STK10: variants seen among roughly 807,000 people sequenced by gnomAD.
STK10 encodes the protein serine/threonine kinase 10.
A neutral mutation model predicts 113.8 loss-of-function variants in STK10; 78 were observed. That is an observed-to-expected ratio of 0.69 (90% CI 0.57 to 0.83). The LOEUF is 0.83. Ranked by LOEUF, STK10 falls within the 40% of genes least tolerant of loss-of-function variation. The pLI is 0.00. For synonymous variants in STK10, 465 were observed against 494.7 expected, an observed-to-expected ratio of 0.94 and a Z score of 0.80; for missense variants, 1,109 against 1,280.1, an observed-to-expected ratio of 0.87 and a Z score of 2.04.
chr5:172,171,727 A>AACTG (rs2113833952), intron 1 of STK10, among the ~76,000 whole-genome samples: 1 of 151,290 alleles, frequency 6.6e-6, no homozygotes, highest in African/African-American at 2.4e-5. Context: ...AAATAAAATA[A>AACTG]AATGAATAGA....
chr5:172,149,764 G>A (rs1476744027), intron 2 of STK10, among the ~76,000 whole-genome samples: 1 of 152,176 alleles, frequency 6.6e-6, no homozygotes. Flanking sequence ...GACCTCCTTG[G>A]GCCGGGCGCG....
intron 1 of STK10, among the ~76,000 whole-genome samples, chr5:172,173,680 T>C (rs58168963): frequency 0.2 from 30,597 of 152,000 alleles, 3,163 homozygotes; most frequent in Middle Eastern, 0.25. Flanking sequence ...CAGAACGCTT[T>C]ACATCCCTCC....
At chr5:172,150,481 CA>C (rs61247858) in intron 2 of STK10, among the ~76,000 whole-genome samples, 336 of 106,686 alleles carry the variant, frequency 3.1e-3, no homozygotes, top group Admixed American at 3.2e-3. Flanking sequence ...AACAACACCT[CA>C]AAAAAAAAAA....
intron 3 of STK10, among the ~76,000 whole-genome samples, chr5:172,118,890 A>AAAAAAAAAAG (rs1769444155): frequency 6.6e-6 from 1 of 151,340 alleles, no homozygotes; most frequent in African/African-American, 2.4e-5. Context: ...AAAAAAAAAA[A>AAAAAAAAAAG]AAAAAAAGTG....
At position 172,064,314 on chromosome 5, in the gene STK10, C is replaced by G. The variant is rs530542888; in HGVS notation, c.2082+406G>C. ...CCAGAAAGGAAGGAAAATGGCACCC[C>G]CTCAGAGCATAACAGGACCAGGTCT... is the stretch of plus-strand genomic sequence containing the variant. On this transcript the variant is annotated intron_variant, in intron 13 of 18. Coordinates refer to ENST00000176763, the MANE Select transcript of STK10 (RefSeq NM_005990.4). 15 of 185,544 alleles carry G rather than the reference C, an allele frequency of 8.1e-5. No homozygotes were observed. In the South Asian group the frequency reaches 1.5e-3, roughly 18 times the overall value. 11.5% of individuals were successfully genotyped at this position (185,544 alleles called of 1,614,324 possible). A position where few individuals can be genotyped will look rare whatever the true frequency, so the allele number is the denominator to read the frequency against.
chr5:172,106,418 A>AAAAAAAAAAAAAAAAAAAAAAAAAAC (rs1769110367), intron 6 of STK10, among the ~76,000 whole-genome samples: 1 of 141,366 alleles, frequency 7.1e-6, no homozygotes, highest in Non-Finnish European at 1.5e-5. Flanking sequence ...AAAAAAAAAA[A>AAAAAAAAAAAAAAAAAAAAAAAAAAC]GGAACACAAA....
At chr5:172,144,524 G>C (rs1441355180) in intron 2 of STK10, among the ~76,000 whole-genome samples, 1 of 152,110 alleles carries the variant, frequency 6.6e-6, no homozygotes, top group Non-Finnish European at 1.5e-5. Context: ...AGCTGCTGTG[G>C]GTGGAGTCCC....
chr5:172,188,177 C>G lies in STK10; in HGVS notation c.-135G>C. 7.1e-7 allele frequency: 1 copy of G among 1,415,652 alleles called. No individual in the cohort carries two copies. Among genetic ancestry groups the G allele is most frequent in the African/African-American group, 1.5e-5 (1 of 68,100 alleles). 87.7% of individuals were successfully genotyped at this position (1,415,652 alleles called of 1,614,324 possible). On this transcript the variant is annotated 5_prime_UTR_variant, in exon 1 of 19. Coordinates refer to ENST00000176763, the MANE Select transcript of STK10 (RefSeq NM_005990.4). This position sits in a 1 kb window ranked among gnomAD's most constrained non-coding sequence, Gnocchi z 5.6. Reference sequence around the variant, plus strand: ...TTCTCCCCAGACCCGCCTTTCCCCGCAGCCCGACCTCGGTCAAGTGTGCCC... The same window carrying G: ...TTCTCCCCAGACCCGCCTTTCCCCGGAGCCCGACCTCGGTCAAGTGTGCCC...
chr5:172,170,657 C>T (rs546278443), intron 1 of STK10, among the ~76,000 whole-genome samples: 6 of 152,328 alleles, frequency 3.9e-5, no homozygotes, highest in South Asian at 4.1e-4. Flanking sequence ...GAAACCCAAA[C>T]GGGATTGGCC....
rs761656284 is a variant in STK10, at chr5:172,055,624, C to A, written c.2490G>T (p.Gly830=). Reference sequence around the variant, plus strand: ...TCTCACGCTGCTCAGCTGCGCTGCCCCCGCCGTTGATGTGGAGGCTCTTCT... The same window carrying A: ...TCTCACGCTGCTCAGCTGCGCTGCCACCGCCGTTGATGTGGAGGCTCTTCT... ...MYKKSLHING[G]GSAAEQREKI... The change falls in exon 16 of 19, where the codon GGG becomes GGT. Residue 830 remains glycine, a synonymous_variant. Coordinates refer to ENST00000176763, the MANE Select transcript of STK10 (RefSeq NM_005990.4). 4.5e-6 allele frequency: 7 copies of A among 1,556,640 alleles called. No homozygotes were observed. The East Asian group carries it at 1.7e-4, about 37-fold the overall frequency.
chr5:172,086,404 A>G (rs1441454016), intron 10 of STK10, among the ~76,000 whole-genome samples: 1 of 152,204 alleles, frequency 6.6e-6, no homozygotes, highest in African/African-American at 2.4e-5. Flanking sequence ...GGTTTAGAGA[A>G]GAACTGACAA....
chr5:172,164,165 T>A (rs535381628), intron 1 of STK10, among the ~76,000 whole-genome samples: 2 of 134,228 alleles, frequency 1.5e-5, no homozygotes, highest in Non-Finnish European at 3.0e-5. Flanking sequence ...TGAGCCAAGA[T>A]AGCGCCATTG....
At chr5:172,144,469 A>C (rs896433671) in intron 2 of STK10, among the ~76,000 whole-genome samples, 4 of 152,186 alleles carry the variant, frequency 2.6e-5, no homozygotes, top group Non-Finnish European at 5.9e-5. Context: ...AGACACCAAA[A>C]AACGCAACAG....
chr5:172,122,686 C>T (rs545891579), intron 3 of STK10, among the ~76,000 whole-genome samples: 2 of 152,136 alleles, frequency 1.3e-5, no homozygotes, highest in Non-Finnish European at 2.9e-5. Flanking sequence ...TGCAGTGGCA[C>T]GATCTAGGCT....
intron 10 of STK10, among the ~76,000 whole-genome samples, chr5:172,087,927 C>CTATGCTTTCATTTTTTACAATTTATTTT (rs542637341): frequency 0.091 from 11,144 of 121,850 alleles, 765 homozygotes; most frequent in African/African-American, 0.15. Flanking sequence ...CGCGCCCGGC[C>CTATGCTTTCATTTTTTACAATTTATTTT]TTAAATTTAT....
chr5:172,161,713 T>G (rs1770475549), intron 1 of STK10, among the ~76,000 whole-genome samples: 1 of 152,162 alleles, frequency 6.6e-6, no homozygotes, highest in Admixed American at 6.5e-5. Flanking sequence ...TGCATTTATC[T>G]CCTGGATCAC....
At chr5:172,056,405 C>G (rs1422470124) in intron 15 of STK10, among the ~76,000 whole-genome samples, 2 of 152,176 alleles carry the variant, frequency 1.3e-5, no homozygotes, top group African/African-American at 4.8e-5. Flanking sequence ...TTTGGCCACA[C>G]AGAGTAGGGG....
intron 12 of STK10, among the ~76,000 whole-genome samples, chr5:172,081,934 C>T (rs73801836): frequency 0.043 from 6,491 of 152,200 alleles, 462 homozygotes; most frequent in African/African-American, 0.15. Context: ...GAGGGTGGAG[C>T]ATAGAGGGCA....
intron 10 of STK10, among the ~76,000 whole-genome samples, chr5:172,087,160 T>C (rs536600511): frequency 1.4e-3 from 164 of 120,718 alleles, no homozygotes; most frequent in African/African-American, 5.0e-3. Context: ...GTGTGGTGTA[T>C]GCAGATACAC....
Sources: allele counts gnomAD v4.1 joint callset (sites outside exome capture counted in the v4.1 genomes callset), GRCh38; gene constraint gnomAD v4.1.1; non-coding constraint Gnocchi (gnomAD v3.1); transcripts MANE v1.5; gene names NCBI Gene and HGNC (gene_info 2026-07-23, HGNC 2026-07-21).